Variants in OSTF1 observed in about 807,000 individuals in gnomAD.
OSTF1 encodes the protein osteoclast-stimulating factor 1.
In OSTF1, 27 loss-of-function variants were observed where a neutral mutation model predicts 37.2. That is an observed-to-expected ratio of 0.73 (90% CI 0.54 to 1.00). The LOEUF is 1.00. Among genes scored for constraint, OSTF1 ranks in the 50% least tolerant of loss-of-function variants. OSTF1 has a pLI of 0.00. For missense variants in OSTF1, 232 were observed against 253.8 expected (o/e 0.91, Z 0.58); for synonymous variants, 82 against 89.2 (o/e 0.92, Z 0.46).
At chr9:75,103,474 G>A (rs770999171) in intron 1 of OSTF1, among the ~76,000 whole-genome samples, 9 of 152,134 alleles carry the variant, frequency 5.9e-5, no homozygotes, top group Non-Finnish European at 7.4e-5. Flanking sequence ...GCATTTTGAT[G>A]TTGTTTCTTT....
At chr9:75,134,122 CAT>C (rs565301294) in intron 6 of OSTF1, among the ~76,000 whole-genome samples, 88 of 152,228 alleles carry the variant, frequency 5.8e-4, no homozygotes, top group African/African-American at 2.1e-3. Context: ...CTCTAAGTGT[CAT>C]ATGAAAATGC....
At chr9:75,102,479 A>G (rs1266484865) in intron 1 of OSTF1, among the ~76,000 whole-genome samples, 1 of 152,240 alleles carries the variant, frequency 6.6e-6, no homozygotes, top group Non-Finnish European at 1.5e-5. Flanking sequence ...AAGTAAGGAT[A>G]AGAAATTTTT....
At position 75,093,060 on chromosome 9, in the gene OSTF1, CTTTCT is replaced by C. The variant is rs774557412; in HGVS notation, c.34+4338_34+4342del. 1.1e-3 allele frequency among the ~76,000 whole-genome samples: 151 copies of C among 134,888 alleles called. 1 individual carries two copies. The highest frequency in any genetic ancestry group is 1.4e-3 in the Non-Finnish European group (91 of 64,740). The allele number at this position is 134,888 out of a possible 152,430, so 88.5% of individuals were successfully genotyped here. A position where few individuals can be genotyped will look rare whatever the true frequency, so the allele number is the denominator to read the frequency against. On this transcript the variant is annotated intron_variant, in intron 1 of 9. Coordinates refer to ENST00000346234, the MANE Select transcript of OSTF1 (RefSeq NM_012383.5). ...TTTCTTTCTCTCTCTCTCTTTCTTT[CTTTCT>C]TTTTTTTTTTTTGGAGATGGGATTT...
chr9:75,104,374 C>G (rs933903698), intron 1 of OSTF1, among the ~76,000 whole-genome samples: 1 of 152,032 alleles, frequency 6.6e-6, no homozygotes, highest in Non-Finnish European at 1.5e-5. Context: ...AAGACCCTGT[C>G]TTTACAAAAA....
At chr9:75,097,895 T>A (rs896072821) in intron 1 of OSTF1, among the ~76,000 whole-genome samples, 2 of 151,498 alleles carry the variant, frequency 1.3e-5, no homozygotes, top group African/African-American at 2.4e-5. Context: ...TCTGGCTCTG[T>A]TGCCCAGGCT....
chr9:75,131,076 C>T lies in OSTF1; in HGVS notation c.196+435C>T, dbSNP rs1026698576. ...TGGAGACTTTGAGAGATGAGAGACA[C>T]GGCTCCCGCCATGAAGCTGCTTCAA... On this transcript the variant is annotated intron_variant, in intron 4 of 9. Coordinates refer to ENST00000346234, the MANE Select transcript of OSTF1 (RefSeq NM_012383.5). 5.3e-5 allele frequency among the ~76,000 whole-genome samples: 8 copies of T among 152,282 alleles called. 1 individual carries two copies. Among genetic ancestry groups the T allele is most frequent in the South Asian group, 4.1e-4 (2 of 4,828 alleles).
chr9:75,124,886 A>G (rs1349601334), intron 2 of OSTF1, among the ~76,000 whole-genome samples: 1 of 152,208 alleles, frequency 6.6e-6, no homozygotes, highest in Admixed American at 6.5e-5. Flanking sequence ...CTGTAGAGAA[A>G]GATGACTTCT....
At chr9:75,114,725 T>C (rs889602971) in intron 1 of OSTF1, among the ~76,000 whole-genome samples, 1 of 152,112 alleles carries the variant, frequency 6.6e-6, no homozygotes, top group Non-Finnish European at 1.5e-5. Flanking sequence ...GGCTAATTTT[T>C]GTATTTTTAG....
At chr9:75,125,632 C>T (rs1392111883) in intron 2 of OSTF1, among the ~76,000 whole-genome samples, 1 of 152,100 alleles carries the variant, frequency 6.6e-6, no homozygotes, top group Non-Finnish European at 1.5e-5. Context: ...AAGGACTTAG[C>T]CATTTGGGGG....
At chr9:75,098,718 A>G (rs1390380114) in intron 1 of OSTF1, among the ~76,000 whole-genome samples, 1 of 152,194 alleles carries the variant, frequency 6.6e-6, no homozygotes, top group East Asian at 1.9e-4. Context: ...CTCTCATGCT[A>G]TTTTTCCCCA....
chr9:75,092,100 G>C (rs939163643), intron 1 of OSTF1, among the ~76,000 whole-genome samples: 8 of 152,222 alleles, frequency 5.3e-5, no homozygotes, highest in African/African-American at 1.7e-4. Context: ...AAGGAAAGGA[G>C]CTAGGTGAGT....
intron 9 of OSTF1, among the ~76,000 whole-genome samples, chr9:75,142,342 C>T (rs577466469): frequency 6.6e-6 from 1 of 152,238 alleles, no homozygotes; most frequent in Non-Finnish European, 1.5e-5. Flanking sequence ...CGACCTCCTA[C>T]TCCTTGCTGC....
In OSTF1 at chr9:75,130,582, A is replaced by G; in HGVS notation, c.137A>G (p.Asp46Gly). 1 of 1,605,380 alleles carries G rather than the reference A, an allele frequency of 6.2e-7. No homozygotes were observed. The highest frequency in any genetic ancestry group is 8.5e-7 in the Non-Finnish European group (1 of 1,172,014). ...ATTTAACTCTTCTTTTACCAGAGCG[A>G]TACCAATTGGTGGAAAGGCACCTCC... ...GDIIYITDMS[D>G]TNWWKGTSKG... The change falls in exon 4 of 10, where the codon GAT becomes GGT. Residue 46 changes from aspartate (D) to glycine (G), a missense_variant. Coordinates refer to ENST00000346234, the MANE Select transcript of OSTF1 (RefSeq NM_012383.5).
chr9:75,139,851 TA>T (rs1825912228), intron 8 of OSTF1, among the ~76,000 whole-genome samples: 1 of 152,246 alleles, frequency 6.6e-6, no homozygotes, highest in South Asian at 2.1e-4. Flanking sequence ...TGTCAGAATT[TA>T]AAATGGACTT....
At chr9:75,118,247 A>G (rs369452332) in intron 2 of OSTF1, among the ~76,000 whole-genome samples, 12 of 152,358 alleles carry the variant, frequency 7.9e-5, no homozygotes, top group African/African-American at 2.9e-4. Context: ...TGGCCTTTCT[A>G]TAAAGGTGGC....
rs763611564 is a variant in OSTF1 at position 75,140,805 on chromosome 9, A to T, written c.488-29A>T. On this transcript the variant is annotated intron_variant, in intron 8 of 9. Transcript: ENST00000346234. ...CTACTACTATATAGTCTTCAAAGAC[A>T]CCTAATTGACTTTTCTTGTGTTGGG... 15 of 1,529,428 alleles carry T rather than the reference A, an allele frequency of 9.8e-6. No homozygotes were observed. In the South Asian group the frequency reaches 1.5e-4, roughly 15 times the overall value. The allele number at this position is 1,529,428 out of a possible 1,614,324, so 94.7% of individuals were successfully genotyped here. A position where few individuals can be genotyped will look rare whatever the true frequency, so the allele number is the denominator to read the frequency against.
intron 9 of OSTF1, among the ~76,000 whole-genome samples, chr9:75,145,428 C>A (rs1360313090): frequency 6.6e-6 from 1 of 152,174 alleles, no homozygotes; most frequent in Non-Finnish European, 1.5e-5. Flanking sequence ...GCACATGATA[C>A]CTGGTTGTCA....
intron 7 of OSTF1, among the ~76,000 whole-genome samples, chr9:75,135,163 A>G (rs542431311): frequency 3.9e-5 from 6 of 152,148 alleles, no homozygotes; most frequent in Non-Finnish European, 8.8e-5. Context: ...AACATCTTCA[A>G]GTAGATTCCT....
intron 9 of OSTF1, among the ~76,000 whole-genome samples, chr9:75,142,198 A>G (rs1162239429): frequency 6.6e-6 from 1 of 152,220 alleles, no homozygotes; most frequent in Non-Finnish European, 1.5e-5. Flanking sequence ...CTTTAAAGTA[A>G]TTCCTCATGG....
Sources: allele counts gnomAD v4.1 joint callset (sites outside exome capture counted in the v4.1 genomes callset), GRCh38; gene constraint gnomAD v4.1.1; transcripts MANE v1.5; gene names NCBI Gene and HGNC (gene_info 2026-07-23, HGNC 2026-07-21).